MYO16: variants seen among roughly 807,000 people sequenced by gnomAD.
MYO16 encodes myosin XVI, also known as unconventional myosin-XVI.
Under a neutral mutation model 205.3 loss-of-function variants are expected in MYO16, and 94 were observed. The observed-to-expected ratio is 0.46, with a 90% CI of 0.39 to 0.54. The LOEUF is 0.54. Among genes scored for constraint, MYO16 ranks in the 20% least tolerant of loss-of-function variants. The probability of loss-of-function intolerance (pLI) is 0.00; values close to 1 mark genes in which losing one functional copy is unlikely to be tolerated. For synonymous variants in MYO16, 988 were observed against 954.0 expected, an observed-to-expected ratio of 1.04 and a Z score of -0.66; for missense variants, 2,315 against 2,387.5, an observed-to-expected ratio of 0.97 and a Z score of 0.63.
chr13:108,790,020 T>C (rs1886569632), intron 5 of MYO16, among the ~76,000 whole-genome samples: 1 of 152,086 alleles, frequency 6.6e-6, no homozygotes, highest in Non-Finnish European at 1.5e-5. Flanking sequence ...TGGGTTACCC[T>C]AGGGAAACCA....
intron 24 of MYO16, 103 bp downstream of exon 24, chr13:109,047,094 C>G: frequency 1.1e-6 from 1 of 883,986 alleles, no homozygotes; most frequent in African/African-American, 1.7e-5. Flanking sequence ...CCAGCTAAAG[C>G]ATAATTGAAA....
rs181335914 is a variant in MYO16 at position 109,133,256 on chromosome 13, G to T, written c.4051+5706G>T. Among the ~76,000 whole-genome samples, 5 of 152,294 alleles carry T rather than the reference G, an allele frequency of 3.3e-5. No individual in the cohort carries two copies. In the East Asian group the frequency reaches 5.8e-4, roughly 18 times the overall value. ...TTTTTTGTCCTAGGTCCTGTGCTCT[G>T]TGCTATGTTTGCTTTCGCTCTGAAA... On this transcript the variant is annotated intron_variant, in intron 31 of 34. Transcript: ENST00000457511.
At chr13:108,535,156 CT>C in the MYO16 span, among the ~76,000 whole-genome samples, 1 of 151,282 alleles carries the variant, frequency 6.6e-6, no homozygotes, top group African/African-American at 2.4e-5. Context: ...TTGCTCTTCT[CT>C]TTTTAAAAAT....
chr13:108,674,564 C>T (rs1235808446), intron 2 of MYO16, among the ~76,000 whole-genome samples: 1 of 152,132 alleles, frequency 6.6e-6, no homozygotes, highest in Admixed American at 6.6e-5. Flanking sequence ...TTTGAAAATG[C>T]GATGCTCTAT....
chr13:109,083,972 T>C (rs1452115574), intron 27 of MYO16, among the ~76,000 whole-genome samples: 1 of 152,238 alleles, frequency 6.6e-6, no homozygotes, highest in Non-Finnish European at 1.5e-5. Context: ...ATATAATGCA[T>C]TATGTATAAA....
chr13:108,720,123 A>AT (rs1669692509), intron 3 of MYO16, among the ~76,000 whole-genome samples: 2 of 152,206 alleles, frequency 1.3e-5, no homozygotes, highest in African/African-American at 4.8e-5. Flanking sequence ...TATCTATGGC[A>AT]AGATAATCTG....
intron 1 of MYO16, among the ~76,000 whole-genome samples, chr13:108,606,151 T>G (rs1878950256): frequency 6.6e-6 from 1 of 152,148 alleles, no homozygotes. Context: ...AGCATAAAAG[T>G]TTGGAAAATT....
chr13:109,139,291 C>T (rs369388614), intron 31 of MYO16, among the ~76,000 whole-genome samples: 4 of 152,202 alleles, frequency 2.6e-5, no homozygotes, highest in Admixed American at 6.5e-5. Flanking sequence ...TACCCATTTC[C>T]GACAGTAAGC....
intron 33 of MYO16, among the ~76,000 whole-genome samples, chr13:109,176,576 G>GT (rs1361417337): frequency 2.8e-4 from 6 of 21,080 alleles, no homozygotes; most frequent in East Asian, 0.011. Flanking sequence ...TATTGTGCTG[G>GT]TAAAAAAAAA....
intron 15 of MYO16, among the ~76,000 whole-genome samples, chr13:108,908,652 A>T (rs1881103773): frequency 6.6e-6 from 1 of 152,162 alleles, no homozygotes; most frequent in African/African-American, 2.4e-5. Flanking sequence ...CAAAGAGGAA[A>T]ACTGTAATAA....
At chr13:108,761,950 T>G (rs1359958805) in intron 4 of MYO16, among the ~76,000 whole-genome samples, 1 of 152,228 alleles carries the variant, frequency 6.6e-6, no homozygotes. Flanking sequence ...AGGGTATCCA[T>G]CACCTAAATA....
At chr13:108,568,721 AT>A in the MYO16 span, among the ~76,000 whole-genome samples, 5 of 151,910 alleles carry the variant, frequency 3.3e-5, no homozygotes, top group African/African-American at 1.2e-4. Context: ...TATTATTATT[AT>A]TTTTTGCTAC....
At chr13:108,842,174 C>A (rs1033939593) in intron 9 of MYO16, among the ~76,000 whole-genome samples, 1 of 151,652 alleles carries the variant, frequency 6.6e-6, no homozygotes. Context: ...GGATATGACA[C>A]CAGAAGAAAA....
At position 108,813,082 on chromosome 13, in the gene MYO16, A is replaced by C. The variant is rs533325856; in HGVS notation, c.867+6278A>C. ...AAAGGAGACTGAGGAGGGGTTGGACACGGGCAGAGGAGGATTATGAGATTT... is the reference window on the plus strand; with the variant it reads ...AAAGGAGACTGAGGAGGGGTTGGACCCGGGCAGAGGAGGATTATGAGATTT... On this transcript the variant is annotated intron_variant, in intron 7 of 34. Coordinates refer to ENST00000457511, the MANE Select transcript of MYO16 (RefSeq NM_001198950.3). Among the ~76,000 whole-genome samples the C allele has an allele frequency of 4.6e-5, 7 of 152,314 alleles. No individual in the cohort carries two copies. In the South Asian group the frequency reaches 1.2e-3, roughly 27 times the overall value.
At chr13:108,534,972 C>T in the MYO16 span, among the ~76,000 whole-genome samples, 44 of 141,238 alleles carry the variant, frequency 3.1e-4, no homozygotes, top group Admixed American at 2.2e-3. Flanking sequence ...CTTCTTTCTT[C>T]TCCTCTTTCT....
intron 4 of MYO16, among the ~76,000 whole-genome samples, chr13:108,752,278 G>A (rs1344722305): frequency 6.6e-6 from 1 of 152,068 alleles, no homozygotes; most frequent in Non-Finnish European, 1.5e-5. Flanking sequence ...TATTATAGAA[G>A]TCAACATCTG....
the MYO16 span, among the ~76,000 whole-genome samples, chr13:108,530,427 A>C: frequency 2.6e-5 from 4 of 152,316 alleles, no homozygotes; most frequent in African/African-American, 9.6e-5. Context: ...TTCTAGAATT[A>C]TTTCTTTCAG....
chr13:108,632,640 A>G (rs1448657673), intron 1 of MYO16, among the ~76,000 whole-genome samples: 2 of 152,210 alleles, frequency 1.3e-5, no homozygotes, highest in Admixed American at 6.5e-5. Flanking sequence ...GAAGGGTTAA[A>G]AACTAGAGTG....
intron 18 of MYO16, among the ~76,000 whole-genome samples, chr13:108,961,885 C>T (rs187779724): frequency 8.1e-4 from 124 of 152,316 alleles, no homozygotes; most frequent in Non-Finnish European, 1.4e-3. Flanking sequence ...ACATTAGCAA[C>T]ACTGATTCTT....
Sources: allele counts gnomAD v4.1 joint callset (sites outside exome capture counted in the v4.1 genomes callset), GRCh38; gene constraint gnomAD v4.1.1; transcripts MANE v1.5; gene names NCBI Gene and HGNC (gene_info 2026-07-23, HGNC 2026-07-21).